The following DRC3 variants were observed in gnomAD, a reference collection of about 807,000 sequenced individuals.
DRC3 encodes the protein dynein regulatory complex subunit 3.
A neutral mutation model predicts 57.6 loss-of-function variants in DRC3; 45 were observed. The ratio of observed to expected loss-of-function variants is 0.78; its 90% confidence interval spans 0.62 to 1.00. The LOEUF is 1.00. Among genes scored for constraint, DRC3 ranks in the 50% least tolerant of loss-of-function variants. DRC3 has a pLI of 0.00. For missense variants in DRC3, 655 were observed against 675.2 expected (o/e 0.97, Z 0.33); for synonymous variants, 257 against 272.3 (o/e 0.94, Z 0.55).
intron 10 of DRC3, chr17:18,005,881 G>C (rs2043930339): frequency 4.5e-6 from 1 of 222,542 alleles, no homozygotes; most frequent in East Asian, 1.0e-4. Flanking sequence ...GGGGTTGGCT[G>C]TGTGTGTGTG....
At chr17:17,994,470 G>C in intron 7 of DRC3, 52 bp downstream of exon 7, 1 of 1,542,230 alleles carries the variant, frequency 6.5e-7, no homozygotes, top group Non-Finnish European at 8.7e-7. Flanking sequence ...GCCCACAAGA[G>C]GGCACTGATC....
Position 17,988,253 on chromosome 17 carries a change from A to G in DRC3, c.444+155A>G, listed in dbSNP as rs1307352661. On this transcript the variant is annotated intron_variant, in intron 5 of 13. Transcript: ENST00000399187. ...AGGAATCTGGATTACTCCATGAGGGATTTGCTCATGTTTAAATACCATGCT... is the reference window on the plus strand; with the variant it reads ...AGGAATCTGGATTACTCCATGAGGGGTTTGCTCATGTTTAAATACCATGCT... 3 of 807,536 alleles carry G rather than the reference A, an allele frequency of 3.7e-6. No homozygotes were observed. The Admixed American group carries it at 9.0e-5, about 24-fold the overall frequency. 50.0% of individuals were successfully genotyped at this position (807,536 alleles called of 1,614,324 possible).
intron 9 of DRC3, among the ~76,000 whole-genome samples, chr17:17,998,654 G>A (rs754230012): frequency 5.9e-5 from 9 of 152,126 alleles, no homozygotes; most frequent in Non-Finnish European, 1.3e-4. Flanking sequence ...TGGAGTTGGT[G>A]ATCCACTCCC....
intron 9 of DRC3, among the ~76,000 whole-genome samples, chr17:18,000,723 G>A (rs2043694879): frequency 6.6e-6 from 1 of 152,130 alleles, no homozygotes. Flanking sequence ...GCTTCCTCAT[G>A]TTTGCCAATC....
At chr17:17,976,148 T>G (rs1391110272) in intron 2 of DRC3, among the ~76,000 whole-genome samples, 2 of 151,828 alleles carry the variant, frequency 1.3e-5, no homozygotes, top group African/African-American at 2.4e-5. Context: ...GCCCAGATGC[T>G]GGGAAGGCAT....
At chr17:17,994,168 C>A in intron 6 of DRC3, 131 bp from the exon 7 acceptor site, 3 of 1,237,232 alleles carry the variant, frequency 2.4e-6, no homozygotes, top group Non-Finnish European at 2.2e-6. Context: ...GCTTTCACAG[C>A]CTTCATGCAG....
intron 12 of DRC3, 27 bp downstream of exon 12, chr17:18,007,174 T>C: frequency 2.5e-5 from 1 of 40,728 alleles, no homozygotes; most frequent in East Asian, 3.1e-4. Context: ...GCTCGGAGCC[T>C]GACAGATGTG....
intron 3 of DRC3, among the ~76,000 whole-genome samples, chr17:17,978,984 C>G (rs1408615693): frequency 6.6e-6 from 1 of 152,122 alleles, no homozygotes; most frequent in Admixed American, 6.5e-5. Context: ...GAAAATAATA[C>G]TATTTGCTAA....
chr17:17,974,474 C>T (rs887356250), intron 2 of DRC3, among the ~76,000 whole-genome samples: 32 of 152,320 alleles, frequency 2.1e-4, no homozygotes, highest in Non-Finnish European at 3.5e-4. Context: ...CGGTTTCAAG[C>T]GATTCTCCTG....
chr17:17,987,325 T>G (rs2043009568), intron 4 of DRC3, among the ~76,000 whole-genome samples: 1 of 151,356 alleles, frequency 6.6e-6, no homozygotes, highest in Non-Finnish European at 1.5e-5. Flanking sequence ...GTGATGGAGC[T>G]GGAGGAACCT....
intron 5 of DRC3, among the ~76,000 whole-genome samples, chr17:17,989,142 A>G (rs2043105276): frequency 6.6e-6 from 1 of 152,124 alleles, no homozygotes; most frequent in Admixed American, 6.5e-5. Context: ...TCACTGAGAG[A>G]TAACTAGAAT....
intron 4 of DRC3, among the ~76,000 whole-genome samples, chr17:17,985,547 C>T (rs2042918017): frequency 6.6e-6 from 1 of 152,210 alleles, no homozygotes; most frequent in Non-Finnish European, 1.5e-5. Flanking sequence ...AGCACGACCT[C>T]CCACACTGAC....
chr17:18,006,860 G>A (rs889170210), intron 11 of DRC3, 164 bp from the exon 12 acceptor site: 1 of 1,061,162 alleles, frequency 9.4e-7, no homozygotes, highest in East Asian at 2.8e-5. Context: ...CAGGGGCAGG[G>A]AGTCGAGGAA....
chr17:17,982,693 G>C lies in DRC3; in HGVS notation c.161-1135G>C, dbSNP rs1167710502. On this transcript the variant is annotated intron_variant, in intron 3 of 13. Coordinates refer to ENST00000399187, the MANE Select transcript of DRC3 (RefSeq NM_031294.4). Reference sequence around the variant, plus strand: ...TGGTTCAAGCGATTCTCCTGCCTCAGCCTCCCAAGTAGCTGGGACTACAGA... The same window carrying C: ...TGGTTCAAGCGATTCTCCTGCCTCACCCTCCCAAGTAGCTGGGACTACAGA... Among the ~76,000 whole-genome samples the C allele has an allele frequency of 4.0e-5, 6 of 149,464 alleles. No homozygotes were observed. In the East Asian group the frequency reaches 1.2e-3, roughly 30 times the overall value.
At chr17:18,006,943 A>C (rs1415280678) in intron 11 of DRC3, 81 bp from the exon 12 acceptor site, 1 of 1,576,222 alleles carries the variant, frequency 6.3e-7, no homozygotes, top group Admixed American at 1.8e-5. Context: ...GGGCCCTTAA[A>C]GTCTGTCTCC....
intron 5 of DRC3, chr17:17,989,390 G>A (rs909603783): frequency 6.6e-6 from 1 of 152,438 alleles, no homozygotes; most frequent in African/African-American, 2.4e-5. Flanking sequence ...AGATGTATTT[G>A]GGGCAGGTCT....
At chr17:17,998,257 G>A (rs186540937) in intron 9 of DRC3, among the ~76,000 whole-genome samples, 3 of 152,282 alleles carry the variant, frequency 2.0e-5, no homozygotes, top group East Asian at 1.9e-4. Context: ...AAAAGTTGAT[G>A]GGGAGGAAGG....
At chr17:17,977,436 C>G in intron 2 of DRC3, 146 bp from the exon 3 acceptor site, 1 of 927,408 alleles carries the variant, frequency 1.1e-6, no homozygotes, top group Non-Finnish European at 1.6e-6. Flanking sequence ...ATACAAACCC[C>G]GAGATGCAGC....
chr17:18,007,814 G>A lies in DRC3; in HGVS notation c.1326+667G>A, dbSNP rs1031145194. ...GTTGTCAGGGCCTGCTTTAGTGCAT[G>A]CATCATTCACTCCACTGCCAGTTTC... On this transcript the variant is annotated intron_variant, in intron 12 of 13. Transcript: ENST00000399187. 6 of 1,029,526 alleles carry A rather than the reference G, an allele frequency of 5.8e-6. No homozygotes were observed. The African/African-American group carries it at 1.0e-4, about 18-fold the overall frequency. The allele number at this position is 1,029,526 out of a possible 1,614,324, so 63.8% of individuals were successfully genotyped here.
Sources: gnomAD v4.1 joint callset for allele counts (sites outside exome capture counted in the v4.1 genomes callset) on GRCh38, gnomAD v4.1.1 for gene constraint, MANE v1.5 for transcripts, NCBI Gene and HGNC (gene_info 2026-07-23, HGNC 2026-07-21) for gene names.